The following ARHGEF18 variants were observed in gnomAD, a reference collection of about 807,000 sequenced individuals.
ARHGEF18 encodes the protein Rho/Rac guanine nucleotide exchange factor 18.
In ARHGEF18, 93 loss-of-function variants were observed where a neutral mutation model predicts 155.7. The ratio of observed to expected loss-of-function variants is 0.60; its 90% confidence interval spans 0.50 to 0.71. The LOEUF (loss-of-function observed/expected upper bound fraction) is 0.71. Ranked by LOEUF, ARHGEF18 falls within the 30% of genes least tolerant of loss-of-function variation. The pLI, the probability that ARHGEF18 is intolerant of heterozygous loss-of-function variation, is 0.00. For synonymous variants in ARHGEF18, 742 were observed against 753.1 expected (o/e 0.99, Z 0.24); for missense variants, 1,593 against 1,816.1 (o/e 0.88, Z 2.23).
chr19:7,455,587 C>T (rs1975777372), intron 17 of ARHGEF18, among the ~76,000 whole-genome samples: 1 of 152,056 alleles, frequency 6.6e-6, no homozygotes, highest in South Asian at 2.1e-4. Context: ...GTCCTGGTGA[C>T]CCAGGAGCAG....
chr19:7,454,829 G>A (rs924390793), intron 17 of ARHGEF18, among the ~76,000 whole-genome samples: 1 of 152,112 alleles, frequency 6.6e-6, no homozygotes, highest in African/African-American at 2.4e-5. Flanking sequence ...AACACGCTCA[G>A]CTGCCCATCT....
intron 14 of ARHGEF18, among the ~76,000 whole-genome samples, chr19:7,445,781 G>A (rs531494848): frequency 9.9e-5 from 15 of 151,888 alleles, no homozygotes; most frequent in South Asian, 8.3e-4. Flanking sequence ...CACCACACCC[G>A]GCTAATTTTT....
chr19:7,362,113 GAGA>G (rs1490794649), intron 1 of ARHGEF18, among the ~76,000 whole-genome samples: 1 of 23,144 alleles, frequency 4.3e-5, no homozygotes, highest in African/African-American at 3.8e-4. Context: ...GAAGGAGAAG[GAGA>G]AGGAGAAGGA....
chr19:7,391,559 C>G (rs934607006), intron 10 of ARHGEF18, among the ~76,000 whole-genome samples: 18 of 152,128 alleles, frequency 1.2e-4, no homozygotes, highest in African/African-American at 3.9e-4. Context: ...CATACACATA[C>G]GCTGTGCCTT....
rs1338670992 is a variant in ARHGEF18, at chr19:7,463,653, C to T, written c.2636-165C>T. ...TGGCCATACCTGAAGTAAGGGTGTGCGCAGGGACAGTGGGGCTGAAATCCC... is the reference window on the plus strand; with the variant it reads ...TGGCCATACCTGAAGTAAGGGTGTGTGCAGGGACAGTGGGGCTGAAATCCC... On this transcript the variant is annotated intron_variant, in intron 21 of 28. Transcript: ENST00000668164. This position sits in a 1 kb window ranked among gnomAD's most constrained non-coding sequence, Gnocchi z 5.2. 6.6e-6 allele frequency among the ~76,000 whole-genome samples: 1 copy of T among 152,174 alleles called. No individual in the cohort carries two copies. Among genetic ancestry groups the T allele is most frequent in the African/African-American group, 2.4e-5 (1 of 41,420 alleles).
chr19:7,442,124 CCCTTCCTTCCTTCCTTCCTTCCTT>C (rs200202576), intron 13 of ARHGEF18, 72 bp downstream of exon 13: 36,340 of 1,129,570 alleles, frequency 0.032, 2,787 homozygotes, highest in African/African-American at 0.24. Context: ...CTTCCTCCCT[CCCTTCCTTCCTTCCTTCCTTCCTT>C]CCTTCCTTCC....
At chr19:7,418,974 C>A (rs1027247802) in intron 10 of ARHGEF18, among the ~76,000 whole-genome samples, 3 of 151,840 alleles carry the variant, frequency 2.0e-5, no homozygotes, top group African/African-American at 7.3e-5. Flanking sequence ...TGTCTGCTCT[C>A]CAGCCCCCCA....
rs551694712 is a variant in ARHGEF18, at chr19:7,405,008, A to T, written c.967+21805A>T. Among the ~76,000 whole-genome samples, 8 of 152,008 alleles carry T rather than the reference A, an allele frequency of 5.3e-5. No homozygotes were observed. The East Asian group carries it at 1.4e-3, about 26-fold the overall frequency. ...ATGGAGTCTCACTCACCCAGGCTGGAGTGTAATGGCATGATCTTGGCTCAC... is the reference window on the plus strand; with the variant it reads ...ATGGAGTCTCACTCACCCAGGCTGGTGTGTAATGGCATGATCTTGGCTCAC... On this transcript the variant is annotated intron_variant, in intron 10 of 28. Transcript: ENST00000668164.
intron 10 of ARHGEF18, among the ~76,000 whole-genome samples, chr19:7,396,588 G>T (rs557738164): frequency 2.0e-5 from 3 of 152,026 alleles, no homozygotes; most frequent in Admixed American, 6.6e-5. Context: ...GGTAGCGGGC[G>T]CCTGTAGTTC....
At chr19:7,403,548 TCTTTC>T (rs796258989) in intron 10 of ARHGEF18, among the ~76,000 whole-genome samples, 5 of 149,094 alleles carry the variant, frequency 3.4e-5, no homozygotes, top group African/African-American at 1.0e-4. Context: ...TTTCTTTCTT[TCTTTC>T]TTTTTTTTTT....
At chr19:7,415,660 C>T (rs1366391239) in intron 10 of ARHGEF18, among the ~76,000 whole-genome samples, 2 of 151,792 alleles carry the variant, frequency 1.3e-5, no homozygotes, top group Non-Finnish European at 2.9e-5. Flanking sequence ...ACGTCCTCTC[C>T]CTCCCTCCCT....
chr19:7,467,408 G>C lies in ARHGEF18; in HGVS notation c.3204G>C (p.Gln1068His), dbSNP rs994698798. 2.0e-6 allele frequency: 3 copies of C among 1,532,644 alleles called. No individual in the cohort carries two copies. Among genetic ancestry groups the C allele is most frequent in the African/African-American group, 2.7e-5 (2 of 72,922 alleles). 94.9% of individuals were successfully genotyped at this position (1,532,644 alleles called of 1,614,324 possible). Residue 1068 changes from glutamine to histidine, a missense_variant, in exon 26 of 29, where the codon CAG becomes CAC. By Grantham distance (24) the Gln-to-His change is conservative (BLOSUM62 0). Transcript: ENST00000668164. ...AGAGCCAGCTGCGGCACGAGCAGCAGCGCTGGGAGCGCGAGCGCCAGTGGC... is the reference window on the plus strand; with the variant it reads ...AGAGCCAGCTGCGGCACGAGCAGCACCGCTGGGAGCGCGAGCGCCAGTGGC... Reference protein sequence around the residue: ...KLQSQLRHEQQRWERERQWQH... With the variant: ...KLQSQLRHEQHRWERERQWQH...
At chr19:7,461,650 C>T (rs569008806) in intron 20 of ARHGEF18, among the ~76,000 whole-genome samples, 2 of 152,314 alleles carry the variant, frequency 1.3e-5, no homozygotes, top group East Asian at 3.9e-4. Flanking sequence ...ATACAATCCT[C>T]ACTCACACCC....
intron 10 of ARHGEF18, among the ~76,000 whole-genome samples, chr19:7,422,622 C>T (rs1266847769): frequency 1.3e-5 from 2 of 152,032 alleles, no homozygotes; most frequent in African/African-American, 2.4e-5. Context: ...TTTGCTAACA[C>T]ACCACCTCCT....
intron 3 of ARHGEF18, 70 bp downstream of exon 3, chr19:7,373,141 A>G (rs1970276701): frequency 8.1e-7 from 1 of 1,232,704 alleles, no homozygotes; most frequent in East Asian, 3.2e-5. Context: ...AGAAGGCCAG[A>G]GCCAGGTCCT....
intron 1 of ARHGEF18, among the ~76,000 whole-genome samples, chr19:7,362,309 GAAGAAGA>G: frequency 1.4e-5 from 2 of 147,954 alleles, no homozygotes; most frequent in African/African-American, 5.3e-5. Context: ...GGAGAAGGAG[GAAGAAGA>G]AGGAAGAAGG....
chr19:7,417,423 C>T (rs1370851896), intron 10 of ARHGEF18, among the ~76,000 whole-genome samples: 1 of 152,144 alleles, frequency 6.6e-6, no homozygotes, highest in Admixed American at 6.6e-5. Context: ...GTTGGCCCAG[C>T]ACAGTGGCTC....
intron 22 of ARHGEF18, 27 bp from the exon 23 acceptor site, chr19:7,464,530 ATCC>A: frequency 6.3e-7 from 1 of 1,593,608 alleles, no homozygotes; most frequent in Non-Finnish European, 8.6e-7. Context: ...GGATGGCAGC[ATCC>A]TCATGCCCCT....
chr19:7,385,441 T>TTTA (rs1469175566), intron 10 of ARHGEF18, among the ~76,000 whole-genome samples: 4 of 135,054 alleles, frequency 3.0e-5, no homozygotes, highest in Non-Finnish European at 6.3e-5. Flanking sequence ...ATCTGGGAAC[T>TTTA]TCATTATTAT....
Sources: allele counts gnomAD v4.1 joint callset (sites outside exome capture counted in the v4.1 genomes callset), GRCh38; gene constraint gnomAD v4.1.1; non-coding constraint Gnocchi (gnomAD v3.1); transcripts MANE v1.5; gene names NCBI Gene and HGNC (gene_info 2026-07-23, HGNC 2026-07-21).